MVB12B: variants seen among roughly 807,000 people sequenced by gnomAD.
MVB12B encodes multivesicular body subunit 12B.
MVB12B carries 16 observed loss-of-function variants against 41.6 expected under a neutral mutation model. The observed-to-expected ratio is 0.38, with a 90% CI of 0.26 to 0.58. The LOEUF (loss-of-function observed/expected upper bound fraction) is 0.58. Ranked by LOEUF, MVB12B falls within the 20% of genes least tolerant of loss-of-function variation. The probability of loss-of-function intolerance (pLI) is 0.62; values close to 1 mark genes in which losing one functional copy is unlikely to be tolerated. For missense variants in MVB12B, 274 were observed against 380.2 expected (o/e 0.72, Z 2.32); for synonymous variants, 133 against 139.7 (o/e 0.95, Z 0.34).
At chr9:126,454,313 C>T (rs1254333567) in intron 7 of MVB12B, among the ~76,000 whole-genome samples, 1 of 152,252 alleles carries the variant, frequency 6.6e-6, no homozygotes, top group East Asian at 1.9e-4. Context: ...CTAAATGCTG[C>T]ACCAGCTCAC....
intron 2 of MVB12B, among the ~76,000 whole-genome samples, chr9:126,352,492 T>C (rs1442649840): frequency 1.3e-5 from 2 of 152,138 alleles, no homozygotes; most frequent in Non-Finnish European, 2.9e-5. Flanking sequence ...GTTGTTTTTG[T>C]TTGTTTGTTT....
intron 6 of MVB12B, among the ~76,000 whole-genome samples, chr9:126,416,318 A>G (rs1831823379): frequency 6.6e-6 from 1 of 152,186 alleles, no homozygotes; most frequent in African/African-American, 2.4e-5. Flanking sequence ...GGGAGGCAAC[A>G]CACCCCTGCC....
chr9:126,436,624 C>A lies in MVB12B; in HGVS notation c.757+14676C>A, dbSNP rs1353090113. Among the ~76,000 whole-genome samples, 3 of 152,238 alleles carry A rather than the reference C, an allele frequency of 2.0e-5. No homozygotes were observed. The highest frequency in any genetic ancestry group is 4.8e-5 in the African/African-American group (2 of 41,464). On this transcript the variant is annotated intron_variant, in intron 7 of 9. Transcript: ENST00000361171. The surrounding 1 kb of genome is among the most constrained non-coding windows in gnomAD (Gnocchi z 4.1). ...TGCAGCTGTGGAGCTGTAACTACAT[C>A]TGTGAGCAAGATTCCTTATGAAGAG...
Position 126,436,903 on chromosome 9 carries a change from ATTTAT to A in MVB12B, c.757+14960_757+14964del, listed in dbSNP as rs543585475. On this transcript the variant is annotated intron_variant, in intron 7 of 9. Transcript: ENST00000361171. This position sits in a 1 kb window ranked among gnomAD's most constrained non-coding sequence, Gnocchi z 4.1. Reference sequence around the variant, plus strand: ...ATCAGTTAATTTACTCATTAAAAGAATTTATTTTAGGTGGACCAATTAAAACTTTG... The same window carrying A: ...ATCAGTTAATTTACTCATTAAAAGAATTTAGGTGGACCAATTAAAACTTTG... Among the ~76,000 whole-genome samples the A allele has an allele frequency of 6.6e-6, 1 of 152,230 alleles. No individual in the cohort carries two copies. The highest frequency in any genetic ancestry group is 1.5e-5 in the Non-Finnish European group (1 of 68,034).
At chr9:126,491,497 C>A (rs1833731382) in intron 9 of MVB12B, among the ~76,000 whole-genome samples, 1 of 152,166 alleles carries the variant, frequency 6.6e-6, no homozygotes, top group Admixed American at 6.5e-5. Flanking sequence ...GTGGTAGGAT[C>A]TTAAACTGCA....
intron 6 of MVB12B, among the ~76,000 whole-genome samples, chr9:126,409,829 C>G (rs1457819712): frequency 1.3e-5 from 2 of 152,206 alleles, no homozygotes; most frequent in Non-Finnish European, 2.9e-5. Flanking sequence ...TGATGAAGAA[C>G]TTCACCCTAA....
chr9:126,471,645 T>G (rs1486705226), intron 7 of MVB12B, among the ~76,000 whole-genome samples: 2 of 151,658 alleles, frequency 1.3e-5, no homozygotes, highest in African/African-American at 2.4e-5. Flanking sequence ...TGCAAATGAG[T>G]TTTGAGAAAT....
chr9:126,410,888 CTTTT>C (rs770993852), intron 6 of MVB12B, among the ~76,000 whole-genome samples: 9 of 133,786 alleles, frequency 6.7e-5, no homozygotes, highest in Non-Finnish European at 9.6e-5. Flanking sequence ...TTGGTTATTT[CTTTT>C]TTTTTTTTTT....
At position 126,493,582 on chromosome 9, in the gene MVB12B, G is replaced by A. The variant is rs535145136; in HGVS notation, c.873+9550G>A. ...AGGAAGTTCCGAAAAGCCCACTCTC[G>A]ATTTTTATTGGAACTGCATTGAGCA... On this transcript the variant is annotated intron_variant, in intron 9 of 9. Transcript: ENST00000361171. 1.2e-4 allele frequency among the ~76,000 whole-genome samples: 19 copies of A among 152,232 alleles called. No individual in the cohort carries two copies. In the South Asian group the frequency reaches 3.5e-3, roughly 28 times the overall value.
At chr9:126,429,289 A>C (rs950483808) in intron 7 of MVB12B, among the ~76,000 whole-genome samples, 1 of 152,154 alleles carries the variant, frequency 6.6e-6, no homozygotes, top group African/African-American at 2.4e-5. Flanking sequence ...AAAAAGAAGA[A>C]ATGAATGGGA....
chr9:126,479,887 C>T (rs954383129), intron 7 of MVB12B, among the ~76,000 whole-genome samples: 2 of 152,232 alleles, frequency 1.3e-5, no homozygotes, highest in Non-Finnish European at 2.9e-5. Context: ...ATGAGCCATT[C>T]GGCTTTTCTT....
intron 7 of MVB12B, among the ~76,000 whole-genome samples, chr9:126,464,762 G>A (rs1038402985): frequency 6.6e-6 from 1 of 152,208 alleles, no homozygotes; most frequent in Non-Finnish European, 1.5e-5. Context: ...TCACATAGCG[G>A]AAGGCAGTGG....
At position 126,395,611 on chromosome 9, in the gene MVB12B, C is replaced by A. The variant is rs758509265; in HGVS notation, c.576C>A (p.Gly192=). The A allele has an allele frequency of 6.2e-7, 1 of 1,614,172 alleles. No individual in the cohort carries two copies. The highest frequency in any genetic ancestry group is 8.5e-7 in the Non-Finnish European group (1 of 1,180,020). The change falls in exon 6 of 10, where the codon GGC becomes GGA. Residue 192 remains glycine (G), a synonymous_variant. Transcript: ENST00000361171. This position sits in a 1 kb window ranked among gnomAD's most constrained non-coding sequence, Gnocchi z 4.9. Reference sequence around the variant, plus strand: ...GCATGGGGATCTGGTATCGAATGGGCAGAGTACCAAGAAATCATGACTCAT... The same window carrying A: ...GCATGGGGATCTGGTATCGAATGGGAAGAGTACCAAGAAATCATGACTCAT... ...LNSMGIWYRM[G]RVPRNHDSSQ...
At chr9:126,377,570 C>T (rs1417710252) in intron 2 of MVB12B, among the ~76,000 whole-genome samples, 1 of 152,068 alleles carries the variant, frequency 6.6e-6, no homozygotes, top group Non-Finnish European at 1.5e-5. Flanking sequence ...TCACACTGCC[C>T]TGATTGCAGA....
At chr9:126,441,112 T>C (rs1333218580) in intron 7 of MVB12B, among the ~76,000 whole-genome samples, 4 of 152,180 alleles carry the variant, frequency 2.6e-5, no homozygotes, top group African/African-American at 9.7e-5. Flanking sequence ...TGTATTCCGT[T>C]TGGAGCACAG....
intron 7 of MVB12B, among the ~76,000 whole-genome samples, chr9:126,428,684 T>G (rs908694393): frequency 1.1e-4 from 17 of 152,210 alleles, no homozygotes; most frequent in African/African-American, 3.9e-4. Context: ...GTTCATGGTT[T>G]GATGCCACAG....
rs1226612185 is a variant in MVB12B at position 126,473,725 on chromosome 9, C to T, written c.758-7644C>T. Reference sequence around the variant, plus strand: ...TGCTAAACCATCCACAAGAAATCCTCTCCCCACATAGCTCAGTCATCTCCC... The same window carrying T: ...TGCTAAACCATCCACAAGAAATCCTTTCCCCACATAGCTCAGTCATCTCCC... On this transcript the variant is annotated intron_variant, in intron 7 of 9. Transcript: ENST00000361171. The surrounding 1 kb of genome is among the most constrained non-coding windows in gnomAD (Gnocchi z 4.0). 6.6e-6 allele frequency among the ~76,000 whole-genome samples: 1 copy of T among 152,248 alleles called. No individual in the cohort carries two copies.
rs188767980 is a variant in MVB12B, at chr9:126,399,342, C to T, written c.662+3645C>T. ...CGCAGGCGCTCCATCCCCTGCCTGC[C>T]TATGTCATGCACGTCGATCAACAGG... On this transcript the variant is annotated intron_variant, in intron 6 of 9. Coordinates refer to ENST00000361171, the MANE Select transcript of MVB12B (RefSeq NM_033446.3). 5.3e-5 allele frequency among the ~76,000 whole-genome samples: 8 copies of T among 152,332 alleles called. No homozygotes were observed. In the East Asian group the frequency reaches 1.3e-3, roughly 26 times the overall value.
At chr9:126,335,630 G>A (rs1424048727) in intron 1 of MVB12B, among the ~76,000 whole-genome samples, 1 of 152,236 alleles carries the variant, frequency 6.6e-6, no homozygotes, top group Non-Finnish European at 1.5e-5. Flanking sequence ...AACAGGCAAA[G>A]ACCCTTTCTA....
Sources: gnomAD v4.1 joint callset for allele counts (sites outside exome capture counted in the v4.1 genomes callset) on GRCh38, gnomAD v4.1.1 for gene constraint, Gnocchi (gnomAD v3.1) non-coding constraint, MANE v1.5 for transcripts, NCBI Gene and HGNC (gene_info 2026-07-23, HGNC 2026-07-21) for gene names.